The following GFI1B variants were observed in gnomAD, a reference collection of about 807,000 sequenced individuals.
GFI1B encodes the protein zinc finger protein Gfi-1b.
In GFI1B, 20 loss-of-function variants were observed where a neutral mutation model predicts 35.3. The ratio of observed to expected loss-of-function variants is 0.57; its 90% CI spans 0.40 to 0.82. The LOEUF is 0.82. Ranked by LOEUF, GFI1B falls within the 40% of genes least tolerant of loss-of-function variation. GFI1B has a pLI of 0.00. For missense variants in GFI1B, 430 were observed against 446.3 expected, an observed-to-expected ratio of 0.96 and a Z score of 0.33; for synonymous variants, 178 against 177.6, an observed-to-expected ratio of 1.00 and a Z score of -0.02.
upstream of GFI1B, chr9:132,974,885 G>C (rs1041261398): frequency 9.8e-5 from 15 of 152,338 alleles, no homozygotes; most frequent in African/African-American, 3.6e-4. Flanking sequence ...AGTATCATTT[G>C]AGCATCTGGA....
intron 1 of GFI1B, among the ~76,000 whole-genome samples, chr9:132,966,973 T>C (rs966655146): frequency 6.6e-6 from 1 of 152,204 alleles, no homozygotes; most frequent in Non-Finnish European, 1.5e-5. Flanking sequence ...AGGGTTTAGA[T>C]GTCCTCTCCA....
chr9:132,993,037 T>C (rs1849328850), downstream of GFI1B, among the ~76,000 whole-genome samples: 1 of 151,238 alleles, frequency 6.6e-6, no homozygotes, highest in Admixed American at 6.6e-5. Flanking sequence ...CTCACGCCTG[T>C]AATCCCAGCA....
chr9:132,969,773 G>A (rs1199862591), intron 1 of GFI1B, among the ~76,000 whole-genome samples: 2 of 152,138 alleles, frequency 1.3e-5, no homozygotes, highest in Non-Finnish European at 2.9e-5. Flanking sequence ...TGTGTTAACA[G>A]ACCACTTTCA....
chr9:132,990,390 C>T (rs112775922), intron 6 of GFI1B, among the ~76,000 whole-genome samples: 3 of 151,412 alleles, frequency 2.0e-5, no homozygotes, highest in African/African-American at 4.9e-5. Context: ...CATTTGTTCA[C>T]TCATTTGCTC....
At chr9:132,956,191 G>A (rs1268938255) in intron 1 of GFI1B, among the ~76,000 whole-genome samples, 3 of 152,108 alleles carry the variant, frequency 2.0e-5, no homozygotes, top group Non-Finnish European at 4.4e-5. Context: ...AAGTTTCTTG[G>A]CCTCTTAAGC....
At position 132,990,724 on chromosome 9, in the gene GFI1B, A is replaced by G. The variant is rs548882606; in HGVS notation, c.815-148A>G. ...TATCTTTGCTTCTCTCTCTTTTCTA[A>G]TTATTTTCTAAAGTGAATGTGAGTT... On this transcript the variant is annotated intron_variant, in intron 6 of 6. Coordinates refer to ENST00000372122, the MANE Select transcript of GFI1B (RefSeq NM_001377304.1). 5.6e-6 allele frequency: 4 copies of G among 712,638 alleles called. No homozygotes were observed. In the South Asian group the frequency reaches 6.5e-5, roughly 12 times the overall value. The allele number at this position is 712,638 out of a possible 1,614,324, so 44.1% of individuals were successfully genotyped here.
intron 1 of GFI1B, among the ~76,000 whole-genome samples, chr9:132,962,137 C>CTTTTTTTTTT (rs56259129): frequency 7.7e-6 from 1 of 129,614 alleles, no homozygotes; most frequent in African/African-American, 3.0e-5. Context: ...TTTTTTTTTT[C>CTTTTTTTTTT]TTTTTTTTTT....
chr9:132,991,177 G>C lies in GFI1B; in HGVS notation c.*127G>C. 1 of 834,578 alleles carries C rather than the reference G, an allele frequency of 1.2e-6. No homozygotes were observed. The highest frequency in any genetic ancestry group is 1.5e-5 in the South Asian group (1 of 68,406). The allele number at this position is 834,578 out of a possible 1,614,324, so 51.7% of individuals were successfully genotyped here. A position where few individuals can be genotyped will look rare whatever the true frequency, so the allele number is the denominator to read the frequency against. On this transcript the variant is annotated 3_prime_UTR_variant, in exon 7 of 7. Coordinates refer to ENST00000372122, the MANE Select transcript of GFI1B (RefSeq NM_001377304.1). ...GGACAGGAGTCTACCAGCTTGTTTT[G>C]AGACTCATGAAATTGCTGTGTGACC... is the stretch of plus-strand genomic sequence containing the variant.
At chr9:132,957,881 T>C (rs1366229556) in intron 1 of GFI1B, among the ~76,000 whole-genome samples, 1 of 152,200 alleles carries the variant, frequency 6.6e-6, no homozygotes, top group Non-Finnish European at 1.5e-5. Context: ...ACAGGCAACA[T>C]GCATTGAGTA....
chr9:132,972,074 A>G (rs1033192923), intron 1 of GFI1B, among the ~76,000 whole-genome samples: 1 of 151,936 alleles, frequency 6.6e-6, no homozygotes, highest in Admixed American at 6.6e-5. Flanking sequence ...TAGGAGTTTG[A>G]GACCAACCTG....
chr9:132,971,217 T>A (rs1267129254), intron 1 of GFI1B, among the ~76,000 whole-genome samples: 1 of 152,190 alleles, frequency 6.6e-6, no homozygotes, highest in East Asian at 1.9e-4. Flanking sequence ...GTGGGGCCCA[T>A]GGGTTTGACA....
chr9:132,981,303 C>G (rs1848812102), intron 1 of GFI1B, among the ~76,000 whole-genome samples: 1 of 152,186 alleles, frequency 6.6e-6, no homozygotes, highest in African/African-American at 2.4e-5. Flanking sequence ...GCAGATATCT[C>G]TTTGAGTCTC....
chr9:132,966,643 G>C (rs1189092280), intron 1 of GFI1B, among the ~76,000 whole-genome samples: 1 of 152,234 alleles, frequency 6.6e-6, no homozygotes, highest in African/African-American at 2.4e-5. Flanking sequence ...CAGTAGGGGA[G>C]ACTGTGGAGA....
chr9:132,959,426 T>A (rs565114910), intron 1 of GFI1B, among the ~76,000 whole-genome samples: 1 of 152,352 alleles, frequency 6.6e-6, no homozygotes, highest in East Asian at 1.9e-4. Flanking sequence ...CTTTCCTTTA[T>A]AAATTACCCA....
chr9:132,957,123 G>A (rs1848294423), intron 1 of GFI1B, among the ~76,000 whole-genome samples: 1 of 152,196 alleles, frequency 6.6e-6, no homozygotes, highest in Admixed American at 6.5e-5. Flanking sequence ...AGTGTCTAAG[G>A]AAGTTACTGC....
intron 1 of GFI1B, among the ~76,000 whole-genome samples, chr9:132,954,343 G>A (rs1848248401): frequency 2.0e-5 from 3 of 152,130 alleles, no homozygotes; most frequent in Non-Finnish European, 4.4e-5. Flanking sequence ...TGGAGGCTGA[G>A]CTGCCTGGAT....
intron 1 of GFI1B, among the ~76,000 whole-genome samples, chr9:132,982,841 G>A (rs1315860851): frequency 6.6e-6 from 1 of 152,158 alleles, no homozygotes; most frequent in Non-Finnish European, 1.5e-5. Flanking sequence ...GAACACTGGG[G>A]GGAGGCAAGA....
intron 1 of GFI1B, among the ~76,000 whole-genome samples, chr9:132,971,803 G>T (rs925620700): frequency 4.6e-5 from 7 of 151,864 alleles, no homozygotes; most frequent in African/African-American, 1.7e-4. Flanking sequence ...GCAAACCCCT[G>T]TCTCCACTAA....
intron 1 of GFI1B, chr9:132,952,108 T>G (rs1035404520): frequency 2.0e-5 from 3 of 152,126 alleles, no homozygotes; most frequent in African/African-American, 7.2e-5. Flanking sequence ...ATTTTATAGT[T>G]TTTAATATTA....
Sources: gnomAD v4.1 joint callset for allele counts (sites outside exome capture counted in the v4.1 genomes callset) on GRCh38, gnomAD v4.1.1 for gene constraint, MANE v1.5 for transcripts, NCBI Gene and HGNC (gene_info 2026-07-23, HGNC 2026-07-21) for gene names.